FYN: variants seen among roughly 807,000 people sequenced by gnomAD.
FYN encodes FYN proto-oncogene, Src family tyrosine kinase.
Under a neutral mutation model 70.2 loss-of-function variants are expected in FYN, and 10 were observed. The observed-to-expected ratio is 0.14, with a 90% CI of 0.09 to 0.24. The LOEUF (loss-of-function observed/expected upper bound fraction) is 0.24, where lower values mean the gene tolerates loss of function less well. Ranked by LOEUF, FYN falls within the 10% of genes least tolerant of loss-of-function variation. FYN has a pLI of 1.00. For synonymous variants in FYN, 236 were observed against 248.6 expected (o/e 0.95, Z 0.48); for missense variants, 319 against 673.1 (o/e 0.47, Z 5.82).
intron 5 of FYN, 70 bp downstream of exon 5, chr6:111,714,277 C>T: frequency 2.1e-6 from 2 of 932,170 alleles, no homozygotes; most frequent in Non-Finnish European, 3.5e-6. Flanking sequence ...TGAAGAGATG[C>T]AGACCAGAAA....
intron 12 of FYN, among the ~76,000 whole-genome samples, chr6:111,683,796 G>A (rs781615174): frequency 9.2e-5 from 14 of 151,822 alleles, no homozygotes; most frequent in African/African-American, 1.2e-4. Flanking sequence ...GTGACAAGGC[G>A]GTACCAGGAC....
chr6:111,688,647 G>A lies in FYN; in HGVS notation c.1273+5728C>T, dbSNP rs537862572. Among the ~76,000 whole-genome samples the A allele has an allele frequency of 1.1e-3, 160 of 151,956 alleles. 1 individual carries two copies. The highest frequency in any genetic ancestry group is 3.5e-3 in the African/African-American group (145 of 41,456). On this transcript the variant is annotated intron_variant, in intron 12 of 13. Transcript: ENST00000354650. ...CGCAGCGTGTGTGTGCTCATGCAGC[G>A]TGTGTGTGCTCATGTGTGCTCATGT... is the stretch of plus-strand genomic sequence containing the variant.
intron 3 of FYN, among the ~76,000 whole-genome samples, chr6:111,729,291 T>C (rs1029488854): frequency 9.2e-5 from 14 of 152,006 alleles, no homozygotes; most frequent in East Asian, 3.9e-4. Context: ...CTAGCCAACA[T>C]AGTGAAACCC....
chr6:111,852,383 G>A (rs1403996738), intron 1 of FYN, among the ~76,000 whole-genome samples: 3 of 152,172 alleles, frequency 2.0e-5, no homozygotes, highest in Non-Finnish European at 4.4e-5. Context: ...ATGGTGGAAT[G>A]AAAGCCAGAC....
At chr6:111,869,401 T>C (rs992164068) in intron 1 of FYN, among the ~76,000 whole-genome samples, 2 of 152,220 alleles carry the variant, frequency 1.3e-5, no homozygotes, top group Admixed American at 1.3e-4. Flanking sequence ...ATTTCTGTTT[T>C]TCTTTTTGAG....
intron 4 of FYN, among the ~76,000 whole-genome samples, chr6:111,719,312 A>G (rs985959427): frequency 4.8e-5 from 7 of 146,894 alleles, no homozygotes; most frequent in African/African-American, 1.7e-4. Flanking sequence ...GAAACTTCCA[A>G]AAAAAAAAAA....
chr6:111,759,013 C>A (rs1802875611), intron 3 of FYN: 1 of 152,612 alleles, frequency 6.6e-6, no homozygotes. Flanking sequence ...ACATCTTGTC[C>A]ACCGGCCAGG....
chr6:111,772,438 T>C (rs867537541), intron 3 of FYN, among the ~76,000 whole-genome samples: 10 of 152,274 alleles, frequency 6.6e-5, no homozygotes, highest in Middle Eastern at 6.8e-3. Context: ...AAATGACCCA[T>C]GTATCAGACT....
intron 1 of FYN, among the ~76,000 whole-genome samples, chr6:111,855,301 GCT>G (rs1326646085): frequency 6.6e-6 from 1 of 152,018 alleles, no homozygotes; most frequent in Non-Finnish European, 1.5e-5. Flanking sequence ...ATTGTAAAAA[GCT>G]CAACATAGGA....
intron 12 of FYN, among the ~76,000 whole-genome samples, chr6:111,690,357 C>T (rs894297930): frequency 2.0e-5 from 3 of 152,104 alleles, no homozygotes; most frequent in Non-Finnish European, 4.4e-5. Context: ...TGAGGGCACC[C>T]CGACTCATCT....
chr6:111,767,773 C>T (rs948593988), intron 3 of FYN, among the ~76,000 whole-genome samples: 1 of 152,160 alleles, frequency 6.6e-6, no homozygotes, highest in Non-Finnish European at 1.5e-5. Flanking sequence ...AGAAGAGAGA[C>T]AAAACTGCTA....
intron 3 of FYN, among the ~76,000 whole-genome samples, chr6:111,729,587 A>G (rs1282276405): frequency 6.6e-6 from 1 of 152,202 alleles, no homozygotes; most frequent in African/African-American, 2.4e-5. Flanking sequence ...ATTATTTATC[A>G]TTTGAAAAAT....
chr6:111,734,522 G>A (rs1801617604), intron 3 of FYN, among the ~76,000 whole-genome samples: 1 of 152,058 alleles, frequency 6.6e-6, no homozygotes, highest in Non-Finnish European at 1.5e-5. Flanking sequence ...TTATGATCTG[G>A]CTCAACCAAC....
intron 1 of FYN, among the ~76,000 whole-genome samples, chr6:111,848,327 T>A (rs1051559426): frequency 6.6e-6 from 1 of 152,196 alleles, no homozygotes; most frequent in Non-Finnish European, 1.5e-5. Flanking sequence ...GAAACTTTAA[T>A]ACCCTTCTTT....
intron 3 of FYN, among the ~76,000 whole-genome samples, chr6:111,778,993 C>A (rs1771060631): frequency 6.6e-6 from 1 of 151,960 alleles, no homozygotes; most frequent in African/African-American, 2.4e-5. Context: ...AACTATATAC[C>A]CCCTCCTCAC....
chr6:111,708,645 T>G (rs1800224021), intron 5 of FYN, among the ~76,000 whole-genome samples: 1 of 152,190 alleles, frequency 6.6e-6, no homozygotes, highest in Non-Finnish European at 1.5e-5. Context: ...CCAGGCATTT[T>G]CAGTCTGAAG....
At position 111,699,817 on chromosome 6, in the gene FYN, C is replaced by T. The variant is rs557814690; in HGVS notation, c.862+287G>A. The T allele has an allele frequency of 1.4e-4, 106 of 778,230 alleles. 3 individuals carry two copies. In the South Asian group the frequency reaches 1.5e-3, roughly 11 times the overall value. The allele number at this position is 778,230 out of a possible 1,614,324, so 48.2% of individuals were successfully genotyped here. On this transcript the variant is annotated intron_variant, in intron 9 of 13. Transcript: ENST00000354650. The stretch of plus-strand genomic sequence containing the variant: ...AAATGAAGAGCAAGATATTTTATGG[C>T]AGCTGGAACATTCCTTGGACCATTT...
intron 1 of FYN, among the ~76,000 whole-genome samples, chr6:111,871,757 G>A (rs1774280854): frequency 6.6e-6 from 1 of 152,210 alleles, no homozygotes. Context: ...GAAAGAACGA[G>A]GGGATGGGGA....
intron 3 of FYN, among the ~76,000 whole-genome samples, chr6:111,767,312 A>G (rs1803263262): frequency 6.6e-6 from 1 of 152,270 alleles, no homozygotes; most frequent in Admixed American, 6.5e-5. Context: ...TGCCAGTAGA[A>G]TAATTCACAT....
Sources: allele counts gnomAD v4.1 joint callset (sites outside exome capture counted in the v4.1 genomes callset), GRCh38; gene constraint gnomAD v4.1.1; transcripts MANE v1.5; gene names NCBI Gene and HGNC (gene_info 2026-07-23, HGNC 2026-07-21).